ANKRD27: variants seen among roughly 807,000 people sequenced by gnomAD.
ANKRD27 encodes ankyrin repeat domain-containing protein 27.
ANKRD27 carries 112 observed loss-of-function variants against 129.7 expected under a neutral mutation model. The ratio of observed to expected loss-of-function variants is 0.86; its 90% CI spans 0.74 to 1.01. The LOEUF is 1.01. ANKRD27 is among the 50% of genes least tolerant of loss of function. The probability of loss-of-function intolerance (pLI) is 0.00; values close to 1 mark genes in which losing one functional copy is unlikely to be tolerated. For missense variants in ANKRD27, 1,258 were observed against 1,300.5 expected (o/e 0.97, Z 0.50); for synonymous variants, 516 against 511.2 (o/e 1.01, Z -0.13).
intron 13 of ANKRD27, among the ~76,000 whole-genome samples, chr19:32,630,010 C>T (rs1446086513): frequency 6.6e-6 from 1 of 152,056 alleles, no homozygotes; most frequent in Non-Finnish European, 1.5e-5. Context: ...TCAAGTGATC[C>T]TCCCACCTTA....
At chr19:32,648,462 A>G (rs1484674437) in intron 3 of ANKRD27, among the ~76,000 whole-genome samples, 1 of 152,190 alleles carries the variant, frequency 6.6e-6, no homozygotes, top group Non-Finnish European at 1.5e-5. Context: ...GGAAATACAC[A>G]CTGAGCTGTC....
At chr19:32,609,834 T>TATA (rs1308963040) in intron 22 of ANKRD27, among the ~76,000 whole-genome samples, 1 of 95,096 alleles carries the variant, frequency 1.1e-5, no homozygotes, top group Non-Finnish European at 2.9e-5. Flanking sequence ...ATATAAATTA[T>TATA]AATGTATATA....
chr19:32,649,197 T>C (rs1967362600), intron 3 of ANKRD27, among the ~76,000 whole-genome samples: 1 of 152,130 alleles, frequency 6.6e-6, no homozygotes, highest in South Asian at 2.1e-4. Flanking sequence ...GGTCTCAAAC[T>C]CCTGGCCTCA....
chr19:32,657,653 T>A (rs1484418373), intron 2 of ANKRD27, among the ~76,000 whole-genome samples: 14 of 147,594 alleles, frequency 9.5e-5, no homozygotes, highest in Admixed American at 8.8e-4. Flanking sequence ...CAGTTTCTGA[T>A]GGCAGAGCTT....
intron 2 of ANKRD27, among the ~76,000 whole-genome samples, chr19:32,654,063 G>A (rs1188999153): frequency 1.3e-5 from 2 of 152,254 alleles, no homozygotes; most frequent in Admixed American, 6.5e-5. Context: ...ACCACGCACG[G>A]CTAATTTTTT....
In ANKRD27 at chr19:32,649,662, A is replaced by C; in HGVS notation, c.213+20T>G. ...AACACCGAGTAGGTGACCCTGGCTG[A>C]TCCACCAAGAAATGAATACCTTTCC... On this transcript the variant is annotated intron_variant, in intron 3 of 28. Transcript: ENST00000306065. The C allele has an allele frequency of 6.5e-7, 1 of 1,541,016 alleles. No individual in the cohort carries two copies. Among genetic ancestry groups the C allele is most frequent in the Non-Finnish European group, 9.0e-7 (1 of 1,113,892 alleles).
intron 12 of ANKRD27, 57 bp from the exon 13 acceptor site, chr19:32,631,551 A>G: frequency 2.1e-6 from 3 of 1,410,356 alleles, no homozygotes; most frequent in East Asian, 4.6e-5. Context: ...TTCAAAACCC[A>G]GCACCTCAGC....
chr19:32,627,107 T>C (rs375280090), intron 15 of ANKRD27, among the ~76,000 whole-genome samples: 5 of 152,252 alleles, frequency 3.3e-5, no homozygotes, highest in African/African-American at 1.2e-4. Context: ...CCATGACTCA[T>C]CAGTTCATAA....
chr19:32,632,461 T>C (rs947228776), intron 12 of ANKRD27, among the ~76,000 whole-genome samples: 3 of 151,688 alleles, frequency 2.0e-5, no homozygotes. Flanking sequence ...GGCGGGCGCC[T>C]GTAATCCCAA....
chr19:32,646,075 G>A (rs192186568), intron 4 of ANKRD27, among the ~76,000 whole-genome samples: 1 of 151,946 alleles, frequency 6.6e-6, no homozygotes, highest in African/African-American at 2.4e-5. Context: ...GGGATTACAG[G>A]TGCATGCCAC....
intron 23 of ANKRD27, among the ~76,000 whole-genome samples, 171 bp from the exon 24 acceptor site, chr19:32,606,125 G>C (rs78966606): frequency 1.0e-5 from 1 of 99,898 alleles, no homozygotes; most frequent in South Asian, 3.0e-4. Context: ...TTATTTTTTT[G>C]TTGTTGTTCT....
At position 32,598,177 on chromosome 19, in the gene ANKRD27, T is replaced by C. The variant is rs1971597376; in HGVS notation, c.3121A>G (p.Thr1041Ala). 2 of 1,613,734 alleles carry C rather than the reference T, an allele frequency of 1.2e-6. No individual in the cohort carries two copies. Among genetic ancestry groups the C allele is most frequent in the African/African-American group, 2.7e-5 (2 of 74,832 alleles). Residue 1041 changes from threonine (T) to alanine (A), a missense_variant, in exon 29 of 29, where the codon ACT (threonine) becomes GCT (alanine). Coordinates refer to ENST00000306065, the MANE Select transcript of ANKRD27 (RefSeq NM_032139.3). ...QGPEAAGPLS[T>A]PQEVSASRS ...CGGGAAGCACTAACCTCTTGGGGAG[T>C]GGAGAGGGGGCCAGCAGCCTCCGGG...
At chr19:32,631,740 C>T (rs1194366922) in intron 12 of ANKRD27, among the ~76,000 whole-genome samples, 1 of 152,178 alleles carries the variant, frequency 6.6e-6, no homozygotes. Context: ...ACCCTGACTG[C>T]GTGTATATGT....
chr19:32,650,749 TA>T (rs1161780699), intron 2 of ANKRD27, among the ~76,000 whole-genome samples: 4 of 93,320 alleles, frequency 4.3e-5, no homozygotes, highest in South Asian at 5.7e-4. Context: ...TTTACGCTTT[TA>T]TTTATTTTTT....
chr19:32,674,973 C>G (rs1381778132), intron 1 of ANKRD27, 98 bp downstream of exon 1: 1 of 151,992 alleles, frequency 6.6e-6, no homozygotes, highest in African/African-American at 2.4e-5. Flanking sequence ...GAGCCCCTCC[C>G]CCCTCACTCT....
chr19:32,659,846 A>G (rs993278494), intron 1 of ANKRD27, among the ~76,000 whole-genome samples: 4 of 152,128 alleles, frequency 2.6e-5, no homozygotes, highest in Admixed American at 6.6e-5. Context: ...GGAGTTCAAG[A>G]CCAGACTGGG....
rs1971627526 is a variant in ANKRD27, at chr19:32,599,990, T to C, written c.2828A>G (p.His943Arg). ...EPFTRQFYFV[H>R]SAGQFKGKTS... The stretch of plus-strand genomic sequence containing the variant: ...TACTCACTTAAACTGACCAGCTGAG[T>C]GGACAAAGTAAAACTGTCTTGTAAA... The change falls in exon 27 of 29, where the codon CAC becomes CGC. Residue 943 changes from histidine (H) to arginine (R), a missense_variant. Physicochemically the swap from His to Arg is conservative, Grantham distance 29. Transcript: ENST00000306065. The C allele has an allele frequency of 1.2e-6, 2 of 1,612,854 alleles. No homozygotes were observed. Among genetic ancestry groups the C allele is most frequent in the Non-Finnish European group, 1.7e-6 (2 of 1,179,144 alleles).
At chr19:32,674,023 G>A (rs1967927504) in intron 1 of ANKRD27, among the ~76,000 whole-genome samples, 1 of 151,850 alleles carries the variant, frequency 6.6e-6, no homozygotes, top group African/African-American at 2.4e-5. Context: ...CGTGCATAGT[G>A]GCATGCGCCT....
chr19:32,636,462 C>T (rs1203175131), intron 12 of ANKRD27: 1 of 144,672 alleles, frequency 6.9e-6, no homozygotes, highest in African/African-American at 2.6e-5. Context: ...GAGTGCTTCA[C>T]ATGCAAGAAA....
Sources: allele counts gnomAD v4.1 joint callset (sites outside exome capture counted in the v4.1 genomes callset), GRCh38; gene constraint gnomAD v4.1.1; transcripts MANE v1.5; gene names NCBI Gene and HGNC (gene_info 2026-07-23, HGNC 2026-07-21).